Variants in CHSY3 observed in about 807,000 individuals in gnomAD.
CHSY3 encodes the protein chondroitin sulfate synthase 3, also known as N-acetylgalactosaminyl-proteoglycan 3-beta-glucuronosyltransferase 3.
Under a neutral mutation model 67.2 loss-of-function variants are expected in CHSY3, and 35 were observed. The ratio of observed to expected loss-of-function variants is 0.52; its 90% CI spans 0.40 to 0.69. The LOEUF is 0.69. CHSY3 is among the 30% of genes least tolerant of loss of function. The pLI is 0.00. For synonymous variants in CHSY3, 474 were observed against 434.7 expected (o/e 1.09, Z -1.12); for missense variants, 1,069 against 1,138.5 (o/e 0.94, Z 0.88).
At chr5:129,981,078 G>A (rs1173640245) in intron 2 of CHSY3, among the ~76,000 whole-genome samples, 1 of 148,514 alleles carries the variant, frequency 6.7e-6, no homozygotes, top group African/African-American at 2.5e-5. Flanking sequence ...AAAATTAGCC[G>A]GACGTGGTGG....
intron 2 of CHSY3, among the ~76,000 whole-genome samples, chr5:129,964,425 C>T (rs1168215204): frequency 6.6e-6 from 1 of 151,696 alleles, no homozygotes; most frequent in East Asian, 2.0e-4. Flanking sequence ...ATTATAAATA[C>T]CCTCCAGTAA....
intron 2 of CHSY3, among the ~76,000 whole-genome samples, chr5:130,028,327 A>G (rs570295447): frequency 1.6e-4 from 24 of 152,258 alleles, no homozygotes; most frequent in African/African-American, 5.3e-4. Flanking sequence ...GACCAATGGA[A>G]CAGAACAGAG....
In CHSY3 at chr5:130,121,060, C is replaced by T. The variant is rs371086425; in HGVS notation, c.1087-63169C>T. On this transcript the variant is annotated intron_variant, in intron 2 of 2. Transcript: ENST00000305031. The stretch of plus-strand genomic sequence containing the variant: ...TGTTCCGTTTGGGCTGGCTGTGGCC[C>T]TGACTCTTTCCTGTGATAGACTGTA... Among the ~76,000 whole-genome samples, 16 of 152,324 alleles carry T rather than the reference C, an allele frequency of 1.1e-4. 1 individual carries two copies. The highest frequency in any genetic ancestry group is 6.5e-4 in the Admixed American group (10 of 15,306).
At chr5:130,019,437 C>T (rs1459967536) in intron 2 of CHSY3, among the ~76,000 whole-genome samples, 1 of 152,166 alleles carries the variant, frequency 6.6e-6, no homozygotes, top group Non-Finnish European at 1.5e-5. Context: ...CCACCACCAC[C>T]ACCAATTATT....
At chr5:130,007,613 G>A (rs1763911673) in intron 2 of CHSY3, among the ~76,000 whole-genome samples, 2 of 152,162 alleles carry the variant, frequency 1.3e-5, no homozygotes, top group African/African-American at 4.8e-5. Context: ...GACCCCTGTG[G>A]ACATTTAGGC....
At chr5:130,042,532 G>C (rs1450747784) in intron 2 of CHSY3, among the ~76,000 whole-genome samples, 1 of 151,996 alleles carries the variant, frequency 6.6e-6, no homozygotes, top group Admixed American at 6.6e-5. Context: ...ATAGCAACCT[G>C]CACATATGAA....
intron 2 of CHSY3, among the ~76,000 whole-genome samples, chr5:130,148,007 C>G (rs1769121909): frequency 6.6e-6 from 1 of 152,102 alleles, no homozygotes; most frequent in East Asian, 1.9e-4. Context: ...CCTCCTCCCA[C>G]CCTCCATACT....
At chr5:129,936,737 G>T (rs867619415) in intron 2 of CHSY3, among the ~76,000 whole-genome samples, 1 of 152,144 alleles carries the variant, frequency 6.6e-6, no homozygotes, top group Non-Finnish European at 1.5e-5. Context: ...TAAGAATGGG[G>T]TATAGACGAT....
At position 130,142,037 on chromosome 5, in the gene CHSY3, A is replaced by C. The variant is rs139519509; in HGVS notation, c.1087-42192A>C. The C allele has an allele frequency of 2.1e-3, 364 of 175,062 alleles. 1 individual carries two copies. The highest frequency in any genetic ancestry group is 7.6e-3 in the African/African-American group (317 of 41,816). 10.8% of individuals were successfully genotyped at this position (175,062 alleles called of 1,614,324 possible). On this transcript the variant is annotated intron_variant, in intron 2 of 2. Transcript: ENST00000305031. Reference sequence around the variant, plus strand: ...TGTAGCAAATTCTGTGGCCATCTTAAAGTTGAGCTGCAGTAGTTAACTACT... The same window carrying C: ...TGTAGCAAATTCTGTGGCCATCTTACAGTTGAGCTGCAGTAGTTAACTACT...
chr5:130,011,332 T>C (rs536912024), intron 2 of CHSY3, among the ~76,000 whole-genome samples: 1 of 152,316 alleles, frequency 6.6e-6, no homozygotes, highest in Admixed American at 6.5e-5. Context: ...TGCAAATCAA[T>C]AAATGTGATT....
At chr5:130,134,689 G>A (rs1403250180) in intron 2 of CHSY3, among the ~76,000 whole-genome samples, 1 of 152,118 alleles carries the variant, frequency 6.6e-6, no homozygotes, top group East Asian at 1.9e-4. Context: ...ATTTTTTAAT[G>A]TAGTTTTGTT....
intron 2 of CHSY3, among the ~76,000 whole-genome samples, chr5:130,094,070 A>T (rs1766968379): frequency 6.6e-6 from 1 of 152,126 alleles, no homozygotes; most frequent in Admixed American, 6.5e-5. Context: ...CACTCAGTAA[A>T]GGGGCTCGGT....
chr5:129,999,190 C>CT (rs567772690), intron 2 of CHSY3, among the ~76,000 whole-genome samples: 3 of 141,468 alleles, frequency 2.1e-5, no homozygotes, highest in Non-Finnish European at 3.1e-5. Context: ...AATAATGTAT[C>CT]TTTTTTTCTA....
At chr5:130,100,177 T>G (rs1767186860) in intron 2 of CHSY3, among the ~76,000 whole-genome samples, 1 of 152,028 alleles carries the variant, frequency 6.6e-6, no homozygotes, top group African/African-American at 2.4e-5. Context: ...GTACTCTATT[T>G]GAGGAGTTAG....
At chr5:130,050,396 A>G (rs899014352) in intron 2 of CHSY3, among the ~76,000 whole-genome samples, 3 of 152,160 alleles carry the variant, frequency 2.0e-5, no homozygotes, top group African/African-American at 7.2e-5. Context: ...TCATCTGGCA[A>G]CTAGAACAAA....
chr5:130,000,257 G>A (rs777104196), intron 2 of CHSY3, among the ~76,000 whole-genome samples: 1 of 152,114 alleles, frequency 6.6e-6, no homozygotes, highest in Non-Finnish European at 1.5e-5. Flanking sequence ...TTAGTGTAAC[G>A]TTTTGAAAGG....
chr5:130,100,924 C>T (rs1359002462), intron 2 of CHSY3, among the ~76,000 whole-genome samples: 1 of 152,198 alleles, frequency 6.6e-6, no homozygotes, highest in Non-Finnish European at 1.5e-5. Flanking sequence ...AAAAAGCTCA[C>T]CTCAACTTTG....
chr5:129,943,493 A>G (rs1367419894), intron 2 of CHSY3, among the ~76,000 whole-genome samples: 1 of 152,142 alleles, frequency 6.6e-6, no homozygotes, highest in Non-Finnish European at 1.5e-5. Context: ...TGTAGATAAA[A>G]CTATATTATT....
At chr5:130,173,069 G>T (rs1047220646) in intron 2 of CHSY3, among the ~76,000 whole-genome samples, 1 of 152,052 alleles carries the variant, frequency 6.6e-6, no homozygotes, top group East Asian at 1.9e-4. Context: ...GGGACTGAAA[G>T]TAACTTGAAA....
Sources: allele counts gnomAD v4.1 joint callset (sites outside exome capture counted in the v4.1 genomes callset), GRCh38; gene constraint gnomAD v4.1.1; transcripts MANE v1.5; gene names NCBI Gene and HGNC (gene_info 2026-07-23, HGNC 2026-07-21).